ABCA9: variants seen among roughly 807,000 people sequenced by gnomAD.
ABCA9 encodes ATP binding cassette subfamily A member 9.
In ABCA9, 183 loss-of-function variants were observed where a neutral mutation model predicts 205.3. The ratio of observed to expected loss-of-function variants is 0.89; its 90% confidence interval spans 0.79 to 1.01. ABCA9 has a LOEUF of 1.01. Ranked by LOEUF, ABCA9 falls within the 50% of genes least tolerant of loss-of-function variation. The pLI is 0.00. For missense variants in ABCA9, 1,805 were observed against 1,912.4 expected (o/e 0.94, Z 1.05); for synonymous variants, 651 against 683.3 (o/e 0.95, Z 0.74).
the ABCA9 span, among the ~76,000 whole-genome samples, chr17:69,077,823 T>C: frequency 1.3e-5 from 2 of 152,088 alleles, no homozygotes; most frequent in African/African-American, 4.8e-5. Context: ...TTGGTGATAT[T>C]CAGAATGAAA....
chr17:69,069,285 T>A, the ABCA9 span, among the ~76,000 whole-genome samples: 5 of 152,100 alleles, frequency 3.3e-5, no homozygotes, highest in African/African-American at 4.8e-5. Flanking sequence ...GAGCCAGAAA[T>A]TGGTAGGACG....
rs1221342333 is a variant in ABCA9 at position 68,982,581 on chromosome 17, A to C, written c.4701T>G (p.Ala1567=). 6.2e-7 allele frequency: 1 copy of C among 1,613,936 alleles called. No individual in the cohort carries two copies. Among genetic ancestry groups the C allele is most frequent in the African/African-American group, 1.3e-5 (1 of 74,922 alleles). ...PVEDVRPLSQ[A]FFKLEIVKQS... is the part of the protein sequence containing the mutation. Reference sequence around the variant, plus strand: ...TCTTACCTATCTCTAATTTGAAGAAAGCCTGTGATAAAGGTCGCACATCCT... The same window carrying C: ...TCTTACCTATCTCTAATTTGAAGAACGCCTGTGATAAAGGTCGCACATCCT... The change falls in exon 37 of 39, where the codon GCT becomes GCG. Residue 1567 remains alanine, a synonymous_variant. Transcript: ENST00000340001.
At chr17:69,024,697 G>A (rs6501944) in intron 16 of ABCA9, among the ~76,000 whole-genome samples, 119,952 of 152,026 alleles carry the variant, frequency 0.79, 48,315 homozygotes, top group African/African-American at 0.95. Context: ...CCAACCTTGA[G>A]CTTTCCCTTT....
intron 8 of ABCA9, among the ~76,000 whole-genome samples, chr17:69,034,266 G>T (rs1200040979): frequency 6.6e-6 from 1 of 152,132 alleles, no homozygotes; most frequent in Non-Finnish European, 1.5e-5. Context: ...CTGTTACCCA[G>T]GCTGGAGTAC....
rs1156483091 is a variant in ABCA9, at chr17:68,987,762, G to GTTT, written c.4047+1262_4047+1264dup. ...TTTTTTTTTGTTTGTTTGTTTGTTT[G>GTTT]TTTGTTTTTTTGTTTGAGATGGAGT... On this transcript the variant is annotated intron_variant, in intron 31 of 38. Coordinates refer to ENST00000340001, the MANE Select transcript of ABCA9 (RefSeq NM_080283.4). Among the ~76,000 whole-genome samples, 216 of 38,252 alleles carry GTTT rather than the reference G, an allele frequency of 5.6e-3. 1 individual carries two copies. The highest frequency in any genetic ancestry group is 8.9e-3 in the African/African-American group (193 of 21,668). The allele number at this position is 38,252 out of a possible 152,430, so 25.1% of individuals were successfully genotyped here. A position where few individuals can be genotyped will look rare whatever the true frequency, so the allele number is the denominator to read the frequency against.
At chr17:68,980,363 G>T (rs1237050857) in intron 37 of ABCA9, among the ~76,000 whole-genome samples, 1 of 152,116 alleles carries the variant, frequency 6.6e-6, no homozygotes, top group Non-Finnish European at 1.5e-5. Context: ...CAACCATTGT[G>T]AGAGTCAGTG....
intron 25 of ABCA9, among the ~76,000 whole-genome samples, chr17:69,000,252 G>A (rs1416419839): frequency 3.3e-5 from 5 of 151,718 alleles, no homozygotes; most frequent in African/African-American, 4.8e-5. Flanking sequence ...GGGTTTTTAC[G>A]GTTTTAGGTC....
At chr17:68,994,613 T>TC (rs1392221256) in intron 26 of ABCA9, among the ~76,000 whole-genome samples, 1 of 152,138 alleles carries the variant, frequency 6.6e-6, no homozygotes, top group Non-Finnish European at 1.5e-5. Context: ...GTTAATGACT[T>TC]CCCCTCTTAC....
intron 22 of ABCA9, among the ~76,000 whole-genome samples, 168 bp downstream of exon 22, chr17:69,016,085 G>A (rs2070587446): frequency 7.9e-6 from 1 of 126,990 alleles, no homozygotes; most frequent in South Asian, 2.7e-4. Flanking sequence ...ATTGCACACA[G>A]ATTTATATGT....
Position 69,032,089 on chromosome 17 carries a change from C to A in ABCA9, c.1445+19G>T, listed in dbSNP as rs1304377142. On this transcript the variant is annotated intron_variant, in intron 10 of 38. Transcript: ENST00000340001. Reference sequence around the variant, plus strand: ...TCTGCCTGTTCTCCATTGGTGCCTCCAAGTAATTTATTGGTTACCTGATGG... The same window carrying A: ...TCTGCCTGTTCTCCATTGGTGCCTCAAAGTAATTTATTGGTTACCTGATGG... The A allele has an allele frequency of 1.3e-6, 2 of 1,595,828 alleles. No individual in the cohort carries two copies. Among genetic ancestry groups the A allele is most frequent in the Non-Finnish European group, 1.7e-6 (2 of 1,170,700 alleles).
At chr17:68,986,384 T>C (rs1323713053) in intron 31 of ABCA9, 60 bp from the exon 32 acceptor site, 4 of 1,485,476 alleles carry the variant, frequency 2.7e-6, no homozygotes, top group Non-Finnish European at 3.6e-6. Flanking sequence ...TGTATATGCA[T>C]GTAAGCCGTA....
chr17:68,980,820 C>T (rs1481644477), intron 37 of ABCA9, among the ~76,000 whole-genome samples: 1 of 150,666 alleles, frequency 6.6e-6, no homozygotes, highest in Non-Finnish European at 1.5e-5. Flanking sequence ...TGTTAAATGA[C>T]GAGTTACTGG....
intron 32 of ABCA9, among the ~76,000 whole-genome samples, chr17:68,985,888 C>T (rs189739794): frequency 1.8e-4 from 27 of 151,670 alleles, no homozygotes; most frequent in Admixed American, 8.5e-4. Flanking sequence ...ACCCAAGAGG[C>T]GGAGGTTGCA....
At chr17:69,037,784 T>C (rs1418481186) in intron 6 of ABCA9, among the ~76,000 whole-genome samples, 2 of 152,016 alleles carry the variant, frequency 1.3e-5, no homozygotes, top group East Asian at 3.9e-4. Context: ...CAGGAGCTGT[T>C]TTTTTTAAAA....
rs1383101566 is a variant in ABCA9, at chr17:68,985,128, C to T, written c.4209G>A (p.Arg1403=). ...RKGDAMIAIT[R]LVDALKLQDQ... is the part of the protein sequence containing the mutation. ...CCTGCAGCTTGAGCGCATCCACTAA[C>T]CTGAAGAAAACAGAGTCAATCCACA... Residue 1403 remains arginine (R), a splice_region_variant and synonymous_variant, in exon 33 of 39, where the codon CGG becomes CGA. Transcript: ENST00000340001. 1.2e-6 allele frequency: 2 copies of T among 1,614,186 alleles called. No individual in the cohort carries two copies. The highest frequency in any genetic ancestry group is 1.3e-5 in the African/African-American group (1 of 75,056).
Position 69,027,717 on chromosome 17 carries a change from CAA to C in ABCA9, c.1712_1713del (p.Phe571TrpfsTer14), listed in dbSNP as rs1491189126. 15 of 1,613,094 alleles carry C rather than the reference CAA, an allele frequency of 9.3e-6. No individual in the cohort carries two copies. The highest frequency in any genetic ancestry group is 1.3e-5 in the Non-Finnish European group (15 of 1,179,758). The stretch of plus-strand genomic sequence containing the variant: ...AGGTTTTCTTTCACAGTGAGAAATC[CAA>C]ATTGCACATTGGATTGTGGACAAAA... ...TGFCPQSNVQ[F>X]GFLTVKENLR... On this transcript the variant is annotated frameshift_variant, in exon 13 of 39. Transcript: ENST00000340001. LOFTEE classifies it high-confidence loss of function.
chr17:69,059,448 C>T lies in ABCA9; in HGVS notation c.-14+1418G>A, dbSNP rs115009975. ...AGAAGAAGGGTTCATTCTGCTGCTA[C>T]GGCTTTGAAGATGGAGGAGGAAGAC... is the stretch of plus-strand genomic sequence containing the variant. On this transcript the variant is annotated intron_variant, in intron 1 of 38. Coordinates refer to ENST00000340001, the MANE Select transcript of ABCA9 (RefSeq NM_080283.4). 2.3e-3 allele frequency among the ~76,000 whole-genome samples: 349 copies of T among 151,912 alleles called. 2 individuals carry two copies. The highest frequency in any genetic ancestry group is 7.9e-3 in the African/African-American group (328 of 41,440).
intron 6 of ABCA9, among the ~76,000 whole-genome samples, chr17:69,038,755 T>C (rs1351735139): frequency 6.6e-6 from 1 of 152,142 alleles, no homozygotes; most frequent in Non-Finnish European, 1.5e-5. Flanking sequence ...GGTATTCAAA[T>C]AGGAGGAAAG....
intron 25 of ABCA9, among the ~76,000 whole-genome samples, chr17:68,997,638 T>C (rs1213169629): frequency 2.0e-5 from 3 of 151,396 alleles, no homozygotes; most frequent in Non-Finnish European, 4.4e-5. Flanking sequence ...ATTTATTTAT[T>C]CATTTTTTGG....
Sources: gnomAD v4.1 joint callset for allele counts (sites outside exome capture counted in the v4.1 genomes callset) on GRCh38, gnomAD v4.1.1 for gene constraint, MANE v1.5 for transcripts, NCBI Gene and HGNC (gene_info 2026-07-23, HGNC 2026-07-21) for gene names.